PTPRD: variants seen among roughly 807,000 people sequenced by gnomAD.
PTPRD encodes the protein protein tyrosine phosphatase receptor type D, also known as receptor-type tyrosine-protein phosphatase delta.
PTPRD carries 34 observed loss-of-function variants against 214.5 expected under a neutral mutation model. The observed-to-expected ratio is 0.16, with a 90% CI of 0.12 to 0.21. The LOEUF (loss-of-function observed/expected upper bound fraction) is 0.21. Ranked by LOEUF, PTPRD falls within the 10% of genes least tolerant of loss-of-function variation. The probability of loss-of-function intolerance (pLI) is 1.00; values close to 1 mark genes in which losing one functional copy is unlikely to be tolerated. For missense variants in PTPRD, 2,545 were observed against 2,398.7 expected, an observed-to-expected ratio of 1.06 and a Z score of -1.27; for synonymous variants, 1,128 against 845.7, an observed-to-expected ratio of 1.33 and a Z score of -5.79.
At chr9:9,555,091 T>A (rs1367963768) in intron 8 of PTPRD, among the ~76,000 whole-genome samples, 1 of 152,070 alleles carries the variant, frequency 6.6e-6, no homozygotes, top group Non-Finnish European at 1.5e-5. Context: ...AAGTGCATAA[T>A]GTGAAACATT....
intron 39 of PTPRD, 27 bp downstream of exon 39, chr9:8,375,909 G>T: frequency 6.3e-7 from 1 of 1,596,538 alleles, no homozygotes; most frequent in South Asian, 1.1e-5. Flanking sequence ...TCTGTTTCCT[G>T]ACTGCAAGTG....
intron 11 of PTPRD, among the ~76,000 whole-genome samples, chr9:9,011,632 C>T (rs1014458753): frequency 6.6e-6 from 1 of 152,112 alleles, no homozygotes; most frequent in African/African-American, 2.4e-5. Context: ...ATAGGAAATG[C>T]CCATTGTACT....
intron 2 of PTPRD, among the ~76,000 whole-genome samples, chr9:10,433,817 A>G (rs1246704668): frequency 6.6e-6 from 1 of 151,874 alleles, no homozygotes; most frequent in East Asian, 1.9e-4. Flanking sequence ...ACCTTTGAAG[A>G]AAATTTAAGA....
intron 34 of PTPRD, among the ~76,000 whole-genome samples, chr9:8,445,487 T>C (rs1161636170): frequency 6.6e-6 from 1 of 152,188 alleles, no homozygotes; most frequent in African/African-American, 2.4e-5. Context: ...CAGGATATTT[T>C]TTTTCATTTT....
At chr9:10,525,334 C>T (rs1167340949) in intron 2 of PTPRD, among the ~76,000 whole-genome samples, 1 of 151,940 alleles carries the variant, frequency 6.6e-6, no homozygotes, top group African/African-American at 2.4e-5. Context: ...CAGGATGCCA[C>T]AATGCAAAGA....
chr9:8,457,016 A>G (rs1455922589), intron 33 of PTPRD, among the ~76,000 whole-genome samples: 1 of 152,230 alleles, frequency 6.6e-6, no homozygotes, highest in Non-Finnish European at 1.5e-5. Flanking sequence ...TGTAACAGAT[A>G]TACAGAATAA....
chr9:10,102,415 C>A (rs1269432853), intron 3 of PTPRD, among the ~76,000 whole-genome samples: 1 of 127,986 alleles, frequency 7.8e-6, no homozygotes, highest in African/African-American at 3.0e-5. Context: ...TATAAAAAAA[C>A]CCACTAAACT....
intron 8 of PTPRD, among the ~76,000 whole-genome samples, chr9:9,560,391 G>C (rs148286970): frequency 2.0e-4 from 30 of 152,316 alleles, no homozygotes; most frequent in African/African-American, 7.2e-4. Context: ...TGTATTTCCC[G>C]CAGCACAGTT....
intron 5 of PTPRD, among the ~76,000 whole-genome samples, chr9:9,897,610 T>C (rs1005408004): frequency 1.9e-4 from 29 of 152,090 alleles, no homozygotes; most frequent in African/African-American, 2.2e-4. Flanking sequence ...GCTTTCTGAC[T>C]GAGAATATAT....
chr9:9,733,912 T>G (rs959084198), intron 7 of PTPRD, among the ~76,000 whole-genome samples: 1 of 152,162 alleles, frequency 6.6e-6, no homozygotes, highest in African/African-American at 2.4e-5. Context: ...GATTCAAACA[T>G]GAATACAAAG....
At chr9:10,595,896 T>C (rs1220208916) in intron 2 of PTPRD, among the ~76,000 whole-genome samples, 1 of 151,820 alleles carries the variant, frequency 6.6e-6, no homozygotes, top group African/African-American at 2.4e-5. Context: ...GTCAAGTGTA[T>C]ATCAAAGACT....
chr9:8,444,874 C>G (rs897680849), intron 34 of PTPRD, among the ~76,000 whole-genome samples: 4 of 152,154 alleles, frequency 2.6e-5, no homozygotes, highest in African/African-American at 7.2e-5. Flanking sequence ...CTTTGTTTAA[C>G]AAGCAACATA....
chr9:8,645,211 G>A (rs567014161), intron 12 of PTPRD, among the ~76,000 whole-genome samples: 5 of 152,156 alleles, frequency 3.3e-5, no homozygotes, highest in South Asian at 2.1e-4. Flanking sequence ...AGAATATGCT[G>A]TATTTAAAAG....
intron 43 of PTPRD, among the ~76,000 whole-genome samples, chr9:8,332,567 A>AGTCT (rs1190303045): frequency 7.2e-5 from 11 of 152,212 alleles, no homozygotes; most frequent in African/African-American, 2.7e-4. Flanking sequence ...ATTGAAGAGC[A>AGTCT]GTCTTTCTTT....
At chr9:8,685,721 A>G (rs1028032039) in intron 12 of PTPRD, among the ~76,000 whole-genome samples, 1 of 152,238 alleles carries the variant, frequency 6.6e-6, no homozygotes, top group Non-Finnish European at 1.5e-5. Context: ...AAGCAACAGC[A>G]CAGCCACAGA....
intron 7 of PTPRD, among the ~76,000 whole-genome samples, chr9:9,589,076 A>T (rs544387098): frequency 1.3e-5 from 2 of 152,108 alleles, no homozygotes; most frequent in South Asian, 2.1e-4. Flanking sequence ...GAAGCAATTC[A>T]TGCCATTTCA....
At chr9:10,401,285 T>A (rs2098265541) in intron 2 of PTPRD, among the ~76,000 whole-genome samples, 1 of 151,600 alleles carries the variant, frequency 6.6e-6, no homozygotes. Flanking sequence ...AATAAATTTT[T>A]CAAGGACAGG....
chr9:9,041,836 C>T (rs75116584), intron 10 of PTPRD, among the ~76,000 whole-genome samples: 294 of 152,302 alleles, frequency 1.9e-3, no homozygotes, highest in African/African-American at 6.8e-3. Flanking sequence ...CCCAGCTAAT[C>T]TCCTACTCAA....
intron 3 of PTPRD, among the ~76,000 whole-genome samples, chr9:10,258,644 C>T (rs2093463893): frequency 6.6e-6 from 1 of 152,160 alleles, no homozygotes; most frequent in Non-Finnish European, 1.5e-5. Context: ...TCTGTACCTA[C>T]ATCTTTTTTG....
Sources: allele counts gnomAD v4.1 joint callset (sites outside exome capture counted in the v4.1 genomes callset), GRCh38; gene constraint gnomAD v4.1.1; transcripts MANE v1.5; gene names NCBI Gene and HGNC (gene_info 2026-07-23, HGNC 2026-07-21).